Variants in ETV1 observed in about 807,000 individuals in gnomAD.
ETV1 encodes ETS translocation variant 1.
In ETV1, 27 loss-of-function variants were observed where a neutral mutation model predicts 62.3. The observed-to-expected ratio is 0.43, with a 90% confidence interval of 0.32 to 0.60. The LOEUF (loss-of-function observed/expected upper bound fraction) is 0.60, where lower values mean the gene tolerates loss of function less well. Among genes scored for constraint, ETV1 ranks in the 20% least tolerant of loss-of-function variants. The pLI is 0.06. For missense variants in ETV1, 605 were observed against 605.8 expected, an observed-to-expected ratio of 1.00 and a Z score of 0.01; for synonymous variants, 222 against 199.6, an observed-to-expected ratio of 1.11 and a Z score of -0.94.
At chr7:13,954,771 T>C (rs1335483348) in intron 6 of ETV1, among the ~76,000 whole-genome samples, 1 of 152,168 alleles carries the variant, frequency 6.6e-6, no homozygotes, top group African/African-American at 2.4e-5. Flanking sequence ...ACTGAAGACA[T>C]GATTGAGATC....
chr7:13,891,319 C>T lies in ETV1; in HGVS notation c.*4547G>A, dbSNP rs931470369. 8.7e-6 allele frequency: 2 copies of T among 229,542 alleles called. No homozygotes were observed. Among genetic ancestry groups the T allele is most frequent in the Admixed American group, 5.7e-5 (1 of 17,656 alleles). 14.2% of individuals were successfully genotyped at this position (229,542 alleles called of 1,614,324 possible). A position where few individuals can be genotyped will look rare whatever the true frequency, so the allele number is the denominator to read the frequency against. ...ATTTTCATAGCATGTTTTCTCAAAC[C>T]GTAAGTATAATTTTAATACAACCAA... is the stretch of plus-strand genomic sequence containing the variant. On this transcript the variant is annotated 3_prime_UTR_variant, in exon 14 of 14. Coordinates refer to ENST00000430479, the MANE Select transcript of ETV1 (RefSeq NM_004956.5).
rs995909224 is a variant in ETV1, at chr7:13,965,566, G to C, written c.235+11861C>G. Among the ~76,000 whole-genome samples, 5 of 152,076 alleles carry C rather than the reference G, an allele frequency of 3.3e-5. 1 individual carries two copies. The highest frequency in any genetic ancestry group is 1.2e-4 in the African/African-American group (5 of 41,400). On this transcript the variant is annotated intron_variant, in intron 6 of 13. Coordinates refer to ENST00000430479, the MANE Select transcript of ETV1 (RefSeq NM_004956.5). ...AAGCAACCATGAGATGGGATTCTCA[G>C]CTGTGTAATTTCAGTCATCACATGC...
intron 9 of ETV1, among the ~76,000 whole-genome samples, chr7:13,927,958 T>G (rs1264203204): frequency 6.6e-6 from 1 of 152,132 alleles, no homozygotes; most frequent in Non-Finnish European, 1.5e-5. Context: ...AATATAAAAT[T>G]AACAGCTTTT....
intron 5 of ETV1, among the ~76,000 whole-genome samples, chr7:13,984,290 C>T (rs1201208194): frequency 2.0e-5 from 3 of 152,014 alleles, no homozygotes; most frequent in East Asian, 1.9e-4. Flanking sequence ...AATATGTAAA[C>T]GGTTCATGGT....
At chr7:13,958,580 G>A (rs1026942781) in intron 6 of ETV1, among the ~76,000 whole-genome samples, 10 of 152,112 alleles carry the variant, frequency 6.6e-5, no homozygotes, top group Non-Finnish European at 1.0e-4. Context: ...CACTACTTGG[G>A]CACTGTTTGT....
intron 9 of ETV1, among the ~76,000 whole-genome samples, chr7:13,927,323 A>G (rs539787093): frequency 6.6e-6 from 1 of 152,204 alleles, no homozygotes; most frequent in Non-Finnish European, 1.5e-5. Context: ...ATGGTGGCAC[A>G]CGCCTGTAGT....
At chr7:13,979,938 ATG>A (rs974954927) in intron 5 of ETV1, among the ~76,000 whole-genome samples, 2 of 152,114 alleles carry the variant, frequency 1.3e-5, no homozygotes, top group African/African-American at 4.8e-5. Flanking sequence ...GTGCTGGAAT[ATG>A]TGTGAGGAAA....
intron 7 of ETV1, among the ~76,000 whole-genome samples, chr7:13,938,698 T>G (rs1368163547): frequency 6.6e-6 from 1 of 152,246 alleles, no homozygotes; most frequent in Non-Finnish European, 1.5e-5. Flanking sequence ...CAATTGTCCA[T>G]GAACTCATCT....
upstream of ETV1, chr7:13,989,736 GCTGCCTCCCA>G: frequency 5.0e-6 from 2 of 397,302 alleles, no homozygotes; most frequent in Non-Finnish European, 8.9e-6. Context: ...CTGATGGATC[GCTGCCTCCCA>G]TTGGCTCCGC....
At chr7:13,950,271 C>T (rs1439325058) in intron 6 of ETV1, among the ~76,000 whole-genome samples, 2 of 152,016 alleles carry the variant, frequency 1.3e-5, no homozygotes, top group African/African-American at 2.4e-5. Flanking sequence ...ATCCTTAGCA[C>T]GTGCAAGGAT....
At position 13,894,411 on chromosome 7, in the gene ETV1, A is replaced by G. The variant is rs762411647; in HGVS notation, c.*1455T>C. On this transcript the variant is annotated 3_prime_UTR_variant, in exon 14 of 14. Coordinates refer to ENST00000430479, the MANE Select transcript of ETV1 (RefSeq NM_004956.5). ...TTTAAATCTTCTTTCAAACAATCCA[A>G]TCACATTTACAGAAGTGTCCAAAAA... is the stretch of plus-strand genomic sequence containing the variant. 4.3e-6 allele frequency: 1 copy of G among 232,606 alleles called. No individual in the cohort carries two copies. Among genetic ancestry groups the G allele is most frequent in the South Asian group, 1.8e-4 (1 of 5,526 alleles). 14.4% of individuals were successfully genotyped at this position (232,606 alleles called of 1,614,324 possible). A position where few individuals can be genotyped will look rare whatever the true frequency, so the allele number is the denominator to read the frequency against.
intron 9 of ETV1, among the ~76,000 whole-genome samples, chr7:13,918,184 T>C (rs1030181103): frequency 6.6e-6 from 1 of 152,192 alleles, no homozygotes; most frequent in Non-Finnish European, 1.5e-5. Flanking sequence ...CAGATAACTT[T>C]TTCTATTTGC....
intron 9 of ETV1, among the ~76,000 whole-genome samples, chr7:13,928,611 T>C (rs1170272244): frequency 1.3e-5 from 2 of 150,832 alleles, no homozygotes; most frequent in Non-Finnish European, 3.0e-5. Flanking sequence ...AGACTCCATC[T>C]CAAAAAAAAA....
At chr7:13,971,263 G>T (rs1332812908) in intron 6 of ETV1, among the ~76,000 whole-genome samples, 1 of 152,144 alleles carries the variant, frequency 6.6e-6, no homozygotes, top group Non-Finnish European at 1.5e-5. Flanking sequence ...GAGCCAATGT[G>T]CCCGACCCAA....
intron 5 of ETV1, among the ~76,000 whole-genome samples, chr7:13,979,947 GA>G (rs1291172521): frequency 3.3e-5 from 5 of 151,966 alleles, no homozygotes; most frequent in African/African-American, 1.2e-4. Flanking sequence ...TATGTGTGAG[GA>G]AAAAAGGGCC....
intron 6 of ETV1, among the ~76,000 whole-genome samples, chr7:13,969,420 C>T (rs1261878252): frequency 6.6e-6 from 1 of 152,178 alleles, no homozygotes; most frequent in African/African-American, 2.4e-5. Flanking sequence ...CTGATTGCCT[C>T]TATCACATAA....
chr7:13,941,490 A>C (rs1037047971), intron 6 of ETV1, among the ~76,000 whole-genome samples: 2 of 152,200 alleles, frequency 1.3e-5, no homozygotes, highest in Non-Finnish European at 2.9e-5. Flanking sequence ...GGGAATTAAC[A>C]TTATTCTCTT....
At chr7:13,952,036 C>T (rs1042308776) in intron 6 of ETV1, among the ~76,000 whole-genome samples, 2 of 149,942 alleles carry the variant, frequency 1.3e-5, no homozygotes, top group African/African-American at 2.5e-5. Flanking sequence ...GTCAACTACA[C>T]ACTAAGAGCA....
chr7:13,907,730 C>T (rs566528622), intron 11 of ETV1: 32 of 423,408 alleles, frequency 7.6e-5, no homozygotes, highest in Admixed American at 1.5e-4. Flanking sequence ...ATATCTAAGC[C>T]TATGTAGTCA....
Sources: gnomAD v4.1 joint callset for allele counts (sites outside exome capture counted in the v4.1 genomes callset) on GRCh38, gnomAD v4.1.1 for gene constraint, MANE v1.5 for transcripts, NCBI Gene and HGNC (gene_info 2026-07-23, HGNC 2026-07-21) for gene names.